The following STARD10 variants were observed in gnomAD, a reference collection of about 807,000 sequenced individuals.
STARD10 encodes StAR related lipid transfer domain containing 10.
STARD10 carries 24 observed loss-of-function variants against 36.0 expected under a neutral mutation model. That is an observed-to-expected ratio of 0.67 (90% CI 0.48 to 0.94). STARD10 has a LOEUF of 0.94. Ranked by LOEUF, STARD10 falls within the 40% of genes least tolerant of loss-of-function variation. The pLI, the probability that STARD10 is intolerant of heterozygous loss-of-function variation, is 0.00. For synonymous variants in STARD10, 156 were observed against 161.9 expected (o/e 0.96, Z 0.28); for missense variants, 335 against 396.6 (o/e 0.84, Z 1.32).
At chr11:72,764,860 C>T (rs1015844051) in intron 2 of STARD10, among the ~76,000 whole-genome samples, 1 of 152,198 alleles carries the variant, frequency 6.6e-6, no homozygotes, top group Non-Finnish European at 1.5e-5. Context: ...GGAGAAACTC[C>T]CCCTGGAAAC....
chr11:72,760,018 C>A (rs944226581), intron 2 of STARD10, among the ~76,000 whole-genome samples: 34 of 151,576 alleles, frequency 2.2e-4, no homozygotes, highest in African/African-American at 8.2e-4. Context: ...TCAAGTGATT[C>A]TCCTACCTCA....
intron 1 of STARD10, among the ~76,000 whole-genome samples, chr11:72,792,491 T>TA (rs760480511): frequency 1.3e-5 from 2 of 150,350 alleles, no homozygotes; most frequent in Non-Finnish European, 3.0e-5. Flanking sequence ...CCAAAACCTC[T>TA]AAGAGCACTC....
intron 2 of STARD10, among the ~76,000 whole-genome samples, chr11:72,777,454 G>T (rs1231597717): frequency 6.6e-6 from 1 of 150,824 alleles, no homozygotes; most frequent in Non-Finnish European, 1.5e-5. Context: ...ACTGACAGAA[G>T]CTCTTGGTCT....
chr11:72,779,380 T>G (rs1245105489), intron 2 of STARD10, among the ~76,000 whole-genome samples: 5 of 152,040 alleles, frequency 3.3e-5, no homozygotes, highest in African/African-American at 1.2e-4. Flanking sequence ...TCACTTGAGG[T>G]CAGGAGTTCA....
At chr11:72,774,525 G>A (rs1448423449) in intron 2 of STARD10, among the ~76,000 whole-genome samples, 1 of 152,234 alleles carries the variant, frequency 6.6e-6, no homozygotes, top group African/African-American at 2.4e-5. Context: ...ATCAAGGCCA[G>A]TCCAAGCATG....
Position 72,792,983 on chromosome 11 carries a change from C to T in STARD10, c.-222G>A, listed in dbSNP as rs1859166745. The T allele has an allele frequency of 6.5e-6, 1 of 152,932 alleles. No homozygotes were observed. Among genetic ancestry groups the T allele is most frequent in the African/African-American group, 2.4e-5 (1 of 41,480 alleles). The allele number at this position is 152,932 out of a possible 1,614,324, so 9.5% of individuals were successfully genotyped here. A position where few individuals can be genotyped will look rare whatever the true frequency, so the allele number is the denominator to read the frequency against. ...GGTGCTCATCTCAACACAGCAGGGT[C>T]TTCCTCCATCAGGCCAAGGTGGGGG... is the stretch of plus-strand genomic sequence containing the variant. On this transcript the variant is annotated 5_prime_UTR_variant, in exon 1 of 7. Transcript: ENST00000334805.
intron 2 of STARD10, among the ~76,000 whole-genome samples, chr11:72,775,438 T>G (rs973877658): frequency 2.6e-5 from 4 of 152,110 alleles, no homozygotes; most frequent in Non-Finnish European, 5.9e-5. Flanking sequence ...CCCCCTGAGT[T>G]CTGAGCCTGC....
intron 1 of STARD10, among the ~76,000 whole-genome samples, chr11:72,787,038 C>T (rs1014400138): frequency 7.1e-6 from 1 of 140,692 alleles, no homozygotes; most frequent in African/African-American, 2.7e-5. Flanking sequence ...GAGCTATGAT[C>T]GTACTACTGC....
Position 72,781,151 on chromosome 11 carries a change from G to A in STARD10, c.31C>T (p.Gln11Ter), listed in dbSNP as rs997067060. The change falls in exon 2 of 7, where the codon CAA becomes TAA. Residue 11 changes from glutamine to a stop codon, truncating the protein, a stop_gained. Transcript: ENST00000334805. LOFTEE classifies it high-confidence loss of function. This position sits in a 1 kb window ranked among gnomAD's most constrained non-coding sequence, Gnocchi z 4.7. The stretch of plus-strand genomic sequence containing the variant: ...CGGCCCAGGACCGGCCGAGGCCCTT[G>A]GGGCTCTGTAGAGGCCGCCAGCTTC... Reference protein sequence around the residue: MEKLAASTEPQGPRPVLGRES... With the variant: MEKLAASTEP The A allele has an allele frequency of 6.2e-7, 1 of 1,612,566 alleles. No individual in the cohort carries two copies. Among genetic ancestry groups the A allele is most frequent in the Non-Finnish European group, 8.5e-7 (1 of 1,180,000 alleles).
At chr11:72,787,531 G>C (rs1206565290) in intron 1 of STARD10, among the ~76,000 whole-genome samples, 1 of 152,230 alleles carries the variant, frequency 6.6e-6, no homozygotes, top group African/African-American at 2.4e-5. Flanking sequence ...TCCTTCCGGA[G>C]GGTTCCCAGG....
chr11:72,757,744 G>T (rs1858662767), intron 5 of STARD10, 23 bp downstream of exon 5: 1 of 1,607,528 alleles, frequency 6.2e-7, no homozygotes, highest in African/African-American at 1.3e-5. Flanking sequence ...TCCCATGATA[G>T]GCTGCCAGGG....
At chr11:72,785,890 C>T (rs1352907599) in intron 1 of STARD10, 1 of 152,196 alleles carries the variant, frequency 6.6e-6, no homozygotes, top group Non-Finnish European at 1.5e-5. Flanking sequence ...ACCCCTTCTC[C>T]CCCACCCCCT....
chr11:72,774,486 T>C (rs570772726), intron 2 of STARD10, among the ~76,000 whole-genome samples: 1 of 152,112 alleles, frequency 6.6e-6, no homozygotes, highest in Admixed American at 6.5e-5. Context: ...CTGCTGCCCA[T>C]ACTTTTGAGT....
intron 6 of STARD10, 175 bp downstream of exon 6, chr11:72,755,526 G>A: frequency 1.4e-6 from 1 of 730,782 alleles, no homozygotes; most frequent in East Asian, 2.9e-5. Flanking sequence ...GGCCAGGCTG[G>A]TCTTGAACTC....
At chr11:72,759,414 T>C in intron 2 of STARD10, 33 bp from the exon 3 acceptor site, 2 of 1,612,890 alleles carry the variant, frequency 1.2e-6, no homozygotes, top group Non-Finnish European at 1.7e-6. Context: ...GTCAGGATCA[T>C]ATGGGGCTCA....
chr11:72,792,174 C>T (rs1006062070), intron 1 of STARD10, among the ~76,000 whole-genome samples: 16 of 151,606 alleles, frequency 1.1e-4, no homozygotes, highest in Non-Finnish European at 1.9e-4. Flanking sequence ...CCCAGCCTCC[C>T]GAGTAGCTGG....
At chr11:72,787,949 G>A (rs990605614) in intron 1 of STARD10, among the ~76,000 whole-genome samples, 3 of 152,192 alleles carry the variant, frequency 2.0e-5, no homozygotes, top group African/African-American at 7.2e-5. Context: ...CCTGGAACTG[G>A]TGGGGACTCT....
intron 1 of STARD10, among the ~76,000 whole-genome samples, chr11:72,787,571 T>C (rs898775986): frequency 1.3e-5 from 2 of 152,262 alleles, no homozygotes; most frequent in African/African-American, 4.8e-5. Context: ...CTCTGCCTGC[T>C]GGGTCCTCCC....
intron 2 of STARD10, among the ~76,000 whole-genome samples, chr11:72,769,850 C>T (rs765521998): frequency 1.4e-4 from 21 of 152,206 alleles, no homozygotes; most frequent in African/African-American, 3.6e-4. Context: ...CTAATGATGA[C>T]GCACATCACA....
Sources: gnomAD v4.1 joint callset for allele counts (sites outside exome capture counted in the v4.1 genomes callset) on GRCh38, gnomAD v4.1.1 for gene constraint, Gnocchi (gnomAD v3.1) non-coding constraint, MANE v1.5 for transcripts, NCBI Gene and HGNC (gene_info 2026-07-23, HGNC 2026-07-21) for gene names.